Variants in SNX29 observed in about 807,000 individuals in gnomAD.
The protein encoded by SNX29 is sorting nexin 29.
A neutral mutation model predicts 102.1 loss-of-function variants in SNX29; 78 were observed. The observed-to-expected ratio is 0.76, with a 90% CI of 0.64 to 0.92. The LOEUF (loss-of-function observed/expected upper bound fraction) is 0.92, where lower values mean the gene tolerates loss of function less well. Ranked by LOEUF, SNX29 falls within the 40% of genes least tolerant of loss-of-function variation. The probability of loss-of-function intolerance (pLI) is 0.00; values close to 1 mark genes in which losing one functional copy is unlikely to be tolerated. For missense variants in SNX29, 1,280 were observed against 1,061.7 expected, an observed-to-expected ratio of 1.21 and a Z score of -2.86; for synonymous variants, 580 against 414.5, an observed-to-expected ratio of 1.40 and a Z score of -4.85.
chr16:12,570,369 A>G lies in SNX29; in HGVS notation c.*1740A>G, dbSNP rs1215392380. On this transcript the variant is annotated 3_prime_UTR_variant, in exon 21 of 21. Coordinates refer to ENST00000566228, the MANE Select transcript of SNX29 (RefSeq NM_032167.5). ...ACCTGCCAACATTGCTGCAATACACATGGTTTATCTGAAATTCCAAGGCCA... is the reference window on the plus strand; with the variant it reads ...ACCTGCCAACATTGCTGCAATACACGTGGTTTATCTGAAATTCCAAGGCCA... The G allele has an allele frequency of 2.2e-6, 1 of 457,730 alleles. No homozygotes were observed. The highest frequency in any genetic ancestry group is 5.6e-5 in the Admixed American group (1 of 17,982). 28.4% of individuals were successfully genotyped at this position (457,730 alleles called of 1,614,324 possible).
At chr16:12,177,817 G>A (rs528466941) in intron 13 of SNX29, among the ~76,000 whole-genome samples, 2 of 152,174 alleles carry the variant, frequency 1.3e-5, no homozygotes, top group Non-Finnish European at 1.5e-5. Flanking sequence ...CTGTGGGCGG[G>A]GTGCTGGTCT....
intron 13 of SNX29, among the ~76,000 whole-genome samples, chr16:12,177,590 A>G (rs529736575): frequency 6.6e-6 from 1 of 152,318 alleles, no homozygotes; most frequent in South Asian, 2.1e-4. Flanking sequence ...TATATAATAG[A>G]TGCTTAATTA....
At position 12,190,370 on chromosome 16, in the gene SNX29, A is replaced by G. The variant is rs534223025; in HGVS notation, c.1596-9231A>G. Among the ~76,000 whole-genome samples the G allele has an allele frequency of 2.0e-4, 31 of 152,170 alleles. No individual in the cohort carries two copies. The Middle Eastern group carries it at 0.014, about 67-fold the overall frequency. The stretch of plus-strand genomic sequence containing the variant: ...TGGCCACTGTCTTCAAGGATCTCAT[A>G]CTCTAGATAGGGGAAGATGAGCACA... On this transcript the variant is annotated intron_variant, in intron 13 of 20. Transcript: ENST00000566228.
At chr16:12,491,062 T>C (rs1463779422) in intron 19 of SNX29, among the ~76,000 whole-genome samples, 1 of 152,264 alleles carries the variant, frequency 6.6e-6, no homozygotes, top group Non-Finnish European at 1.5e-5. Flanking sequence ...AATATCACAT[T>C]TCTTGAGATG....
At chr16:12,477,910 A>G in intron 19 of SNX29, 51 bp downstream of exon 19, 2 of 1,532,962 alleles carry the variant, frequency 1.3e-6, no homozygotes, top group Non-Finnish European at 8.8e-7. Flanking sequence ...GTTAAAATGG[A>G]TTATTTATTC....
chr16:12,541,263 G>A (rs1187781323), intron 20 of SNX29, among the ~76,000 whole-genome samples: 4 of 152,178 alleles, frequency 2.6e-5, no homozygotes, highest in African/African-American at 9.7e-5. Flanking sequence ...ATCAGGGAGA[G>A]AATGACAGGA....
chr16:12,234,460 T>C (rs1424340370), intron 14 of SNX29, among the ~76,000 whole-genome samples: 3 of 152,204 alleles, frequency 2.0e-5, no homozygotes, highest in East Asian at 1.9e-4. Flanking sequence ...TTGTGGATAC[T>C]AGACCCGTAT....
At chr16:12,145,217 T>A (rs1017160522) in intron 13 of SNX29, among the ~76,000 whole-genome samples, 1 of 151,250 alleles carries the variant, frequency 6.6e-6, no homozygotes, top group East Asian at 2.0e-4. Flanking sequence ...AAAAAAAAAA[T>A]TACCTTTAAA....
rs186061439 is a variant in SNX29, at chr16:12,494,642, C to A, written c.2178+16783C>A. Among the ~76,000 whole-genome samples, 464 of 152,282 alleles carry A rather than the reference C, an allele frequency of 3.0e-3. 3 individuals carry two copies. Among genetic ancestry groups the A allele is most frequent in the African/African-American group, 0.011 (444 of 41,550 alleles). On this transcript the variant is annotated intron_variant, in intron 19 of 20. Coordinates refer to ENST00000566228, the MANE Select transcript of SNX29 (RefSeq NM_032167.5). ...TCACAGCCACGTTCAGCTTAACCACCCCCTTGGAACTTTCTCATCATTTAA... is the reference window on the plus strand; with the variant it reads ...TCACAGCCACGTTCAGCTTAACCACACCCTTGGAACTTTCTCATCATTTAA...
intron 8 of SNX29, among the ~76,000 whole-genome samples, chr16:12,056,316 C>T (rs1208767057): frequency 6.6e-6 from 1 of 152,188 alleles, no homozygotes; most frequent in East Asian, 1.9e-4. Context: ...CAACACAGTG[C>T]AGGGTGACCT....
chr16:12,403,107 A>T (rs569628101), intron 17 of SNX29, among the ~76,000 whole-genome samples: 2 of 152,032 alleles, frequency 1.3e-5, no homozygotes, highest in East Asian at 3.9e-4. Flanking sequence ...TCATTTTCAG[A>T]TGTGGAGACT....
chr16:12,238,274 C>G (rs2077997167), intron 14 of SNX29, among the ~76,000 whole-genome samples: 4 of 149,886 alleles, frequency 2.7e-5, no homozygotes, highest in Admixed American at 1.3e-4. Flanking sequence ...CTTGGCCTCT[C>G]CATTCCATGG....
intron 11 of SNX29, among the ~76,000 whole-genome samples, chr16:12,116,109 GA>G (rs1316255679): frequency 6.6e-6 from 1 of 152,166 alleles, no homozygotes. Flanking sequence ...TAGTGATTTT[GA>G]AAAACTCTCT....
chr16:12,397,633 C>T (rs1052062955), intron 16 of SNX29, among the ~76,000 whole-genome samples: 1 of 152,106 alleles, frequency 6.6e-6, no homozygotes, highest in South Asian at 2.1e-4. Flanking sequence ...TCTAGCAGAT[C>T]AAAAAAAGAA....
At chr16:12,417,524 C>G (rs1428660543) in intron 18 of SNX29, among the ~76,000 whole-genome samples, 3 of 152,144 alleles carry the variant, frequency 2.0e-5, no homozygotes, top group Non-Finnish European at 2.9e-5. Flanking sequence ...TTTGCACACT[C>G]TACATCCCTC....
At chr16:12,439,230 G>T (rs1303906041) in intron 18 of SNX29, among the ~76,000 whole-genome samples, 1 of 151,392 alleles carries the variant, frequency 6.6e-6, no homozygotes, top group African/African-American at 2.4e-5. Flanking sequence ...GCTGAGAGAC[G>T]GCTAGTGGGC....
At chr16:12,476,383 AATATATATATATATAT>A (rs1567603099) in intron 18 of SNX29, among the ~76,000 whole-genome samples, 2 of 9,494 alleles carry the variant, frequency 2.1e-4, no homozygotes, top group Non-Finnish European at 4.3e-4. Flanking sequence ...AAAAAAAAAA[AATATATATATATATAT>A]ATATATATAT....
chr16:12,115,485 TTG>T (rs3222983), intron 11 of SNX29, among the ~76,000 whole-genome samples: 10,443 of 141,628 alleles, frequency 0.074, 422 homozygotes, highest in East Asian at 0.23. Flanking sequence ...CCACCTTGAT[TTG>T]TGTGTGTGTG....
intron 14 of SNX29, among the ~76,000 whole-genome samples, chr16:12,200,745 A>G (rs1370462975): frequency 1.3e-5 from 2 of 152,236 alleles, no homozygotes; most frequent in Non-Finnish European, 2.9e-5. Context: ...TCGGCCTCCC[A>G]AAGAGCTGGG....
Sources: allele counts gnomAD v4.1 joint callset (sites outside exome capture counted in the v4.1 genomes callset), GRCh38; gene constraint gnomAD v4.1.1; transcripts MANE v1.5; gene names NCBI Gene and HGNC (gene_info 2026-07-23, HGNC 2026-07-21).